The following GALNT13 variants were observed in gnomAD, a reference collection of about 807,000 sequenced individuals.
GALNT13 encodes polypeptide N-acetylgalactosaminyltransferase 13.
In GALNT13, 28 loss-of-function variants were observed where a neutral mutation model predicts 64.2. That is an observed-to-expected ratio of 0.44 (90% CI 0.32 to 0.60). The LOEUF is 0.60. Among genes scored for constraint, GALNT13 ranks in the 20% least tolerant of loss-of-function variants. The pLI, the probability that GALNT13 is intolerant of heterozygous loss-of-function variation, is 0.05. For missense variants in GALNT13, 577 were observed against 669.8 expected (o/e 0.86, Z 1.53); for synonymous variants, 214 against 224.6 (o/e 0.95, Z 0.42).
the GALNT13 span, among the ~76,000 whole-genome samples, chr2:153,329,243 C>G: frequency 1.3e-5 from 2 of 152,182 alleles, no homozygotes; most frequent in African/African-American, 4.8e-5. Context: ...GGAGCTGTTC[C>G]TATTCTGCCA....
chr2:154,106,807 C>T (rs1351457573), intron 3 of GALNT13, among the ~76,000 whole-genome samples: 1 of 151,898 alleles, frequency 6.6e-6, no homozygotes, highest in Non-Finnish European at 1.5e-5. Flanking sequence ...TTCATAAGTT[C>T]AATGGGATAC....
At chr2:153,830,000 A>C in the GALNT13 span, among the ~76,000 whole-genome samples, 14 of 152,298 alleles carry the variant, frequency 9.2e-5, no homozygotes, top group South Asian at 2.7e-3. Context: ...GTGTACTAAA[A>C]ATTGTATATC....
At chr2:153,284,801 C>T in the GALNT13 span, among the ~76,000 whole-genome samples, 1 of 152,112 alleles carries the variant, frequency 6.6e-6, no homozygotes. Context: ...TGCTTTCCTT[C>T]TTAAAGCTCA....
intron 4 of GALNT13, among the ~76,000 whole-genome samples, chr2:154,208,965 G>A (rs537970576): frequency 4.6e-5 from 7 of 152,164 alleles, no homozygotes; most frequent in Non-Finnish European, 7.4e-5. Context: ...TAAGGATTCA[G>A]TAAGTAGGTC....
chr2:153,270,590 G>A, the GALNT13 span, among the ~76,000 whole-genome samples: 1 of 152,178 alleles, frequency 6.6e-6, no homozygotes. Context: ...GCCAGACATA[G>A]TGACTCATGC....
chr2:153,640,971 G>A, the GALNT13 span, among the ~76,000 whole-genome samples: 2 of 152,166 alleles, frequency 1.3e-5, no homozygotes, highest in East Asian at 3.9e-4. Flanking sequence ...AAGACTGAAG[G>A]GGAAGTCTCT....
chr2:153,393,992 C>CACACA, the GALNT13 span, among the ~76,000 whole-genome samples: 222 of 51,418 alleles, frequency 4.3e-3, 1 homozygote, highest in African/African-American at 0.011. Flanking sequence ...ACACACACAC[C>CACACA]CCCTATTGGT....
intron 9 of GALNT13, among the ~76,000 whole-genome samples, chr2:154,312,037 A>C (rs938724416): frequency 1.3e-5 from 2 of 152,154 alleles, no homozygotes. Context: ...CGCAATTATT[A>C]CAGGGTCCTG....
At chr2:153,125,971 AT>A in the GALNT13 span, among the ~76,000 whole-genome samples, 1 of 152,136 alleles carries the variant, frequency 6.6e-6, no homozygotes, top group Non-Finnish European at 1.5e-5. Context: ...GCGTCCGGTG[AT>A]TATGAAGTTC....
the GALNT13 span, among the ~76,000 whole-genome samples, chr2:153,141,525 A>G: frequency 6.6e-6 from 1 of 152,064 alleles, no homozygotes; most frequent in Non-Finnish European, 1.5e-5. Context: ...GTGGATAGTG[A>G]GGTGGGGAGA....
At chr2:153,141,635 G>A in the GALNT13 span, among the ~76,000 whole-genome samples, 1 of 151,990 alleles carries the variant, frequency 6.6e-6, no homozygotes, top group Non-Finnish European at 1.5e-5. Flanking sequence ...TGGGTGTGGT[G>A]AGGAAGAGAC....
chr2:153,398,355 T>G, the GALNT13 span, among the ~76,000 whole-genome samples: 1 of 152,084 alleles, frequency 6.6e-6, no homozygotes, highest in African/African-American at 2.4e-5. Context: ...CAAGTCTTTG[T>G]TATGGTGAAT....
the GALNT13 span, among the ~76,000 whole-genome samples, chr2:153,170,986 A>G: frequency 1.3e-5 from 2 of 152,252 alleles, no homozygotes; most frequent in Admixed American, 6.5e-5. Context: ...TTAAAATTCC[A>G]TCAGCATTTT....
At chr2:153,427,411 A>G in the GALNT13 span, among the ~76,000 whole-genome samples, 1 of 152,160 alleles carries the variant, frequency 6.6e-6, no homozygotes, top group East Asian at 1.9e-4. Flanking sequence ...TTTTAAGATG[A>G]AACTTTTAGA....
the GALNT13 span, among the ~76,000 whole-genome samples, chr2:153,777,016 A>C: frequency 2.6e-5 from 4 of 152,178 alleles, no homozygotes; most frequent in African/African-American, 7.2e-5. Context: ...ATACCTGTGG[A>C]AGTGTTTTTC....
At chr2:154,174,957 A>G (rs1314051895) in intron 4 of GALNT13, among the ~76,000 whole-genome samples, 1 of 152,182 alleles carries the variant, frequency 6.6e-6, no homozygotes, top group Admixed American at 6.5e-5. Context: ...GCCTTTGCAT[A>G]TTAAAAAGAG....
At chr2:153,957,800 C>G (rs1312211446) in intron 3 of GALNT13, among the ~76,000 whole-genome samples, 2 of 152,232 alleles carry the variant, frequency 1.3e-5, no homozygotes, top group South Asian at 2.1e-4. Flanking sequence ...AGTTCTCTAA[C>G]TGTGTCGTAA....
the GALNT13 span, among the ~76,000 whole-genome samples, chr2:153,368,488 C>T: frequency 1.3e-5 from 2 of 151,936 alleles, no homozygotes; most frequent in African/African-American, 4.8e-5. Context: ...TGTTAGAGCA[C>T]CCAAGCTAAG....
At chr2:153,526,260 G>A in the GALNT13 span, among the ~76,000 whole-genome samples, 1 of 152,258 alleles carries the variant, frequency 6.6e-6, no homozygotes, top group Non-Finnish European at 1.5e-5. Context: ...ACCCGGTGCT[G>A]TGCTGGGTTC....
Sources: gnomAD v4.1 joint callset for allele counts (sites outside exome capture counted in the v4.1 genomes callset) on GRCh38, gnomAD v4.1.1 for gene constraint, MANE v1.5 for transcripts, NCBI Gene and HGNC (gene_info 2026-07-23, HGNC 2026-07-21) for gene names.